Variants in USP35 observed in about 807,000 individuals in gnomAD.
USP35 encodes ubiquitin specific peptidase 35.
In USP35, 69 loss-of-function variants were observed where a neutral mutation model predicts 83.8. The ratio of observed to expected loss-of-function variants is 0.82; its 90% confidence interval spans 0.68 to 1.01. The LOEUF is 1.01. Ranked by LOEUF, USP35 falls within the 50% of genes least tolerant of loss-of-function variation. USP35 has a pLI of 0.00. For synonymous variants in USP35, 714 were observed against 589.5 expected, an observed-to-expected ratio of 1.21 and a Z score of -3.06; for missense variants, 1,503 against 1,362.5, an observed-to-expected ratio of 1.10 and a Z score of -1.62.
the USP35 span, among the ~76,000 whole-genome samples, chr11:78,235,422 G>A: frequency 5.9e-5 from 9 of 152,216 alleles, no homozygotes; most frequent in Admixed American, 1.3e-4. Context: ...AAAGTGCTTG[G>A]ATTACAGGCT....
At chr11:78,198,744 C>T (rs1383666655) in intron 3 of USP35, 4 of 968,934 alleles carry the variant, frequency 4.1e-6, no homozygotes, top group Non-Finnish European at 2.5e-6. Flanking sequence ...TCAAATCCCG[C>T]CTCTACCACT....
At chr11:78,218,259 C>G (rs1296426344), downstream of USP35, 2 of 153,986 alleles carry the variant, frequency 1.3e-5, no homozygotes, top group Non-Finnish European at 2.9e-5. Context: ...TCCCAGGGTT[C>G]CCCTCAGTCC....
chr11:78,199,152 C>G (rs1863257424), intron 3 of USP35: 1 of 205,700 alleles, frequency 4.9e-6, no homozygotes, highest in East Asian at 1.1e-4. Context: ...TTAATCCATA[C>G]AAGAACCCTC....
At chr11:78,226,395 C>T in the USP35 span, 2 of 1,223,382 alleles carry the variant, frequency 1.6e-6, no homozygotes, top group Non-Finnish European at 1.2e-6. Flanking sequence ...TGACCAAGGA[C>T]CATCAAACTA....
the USP35 span, chr11:78,226,591 C>A: frequency 1.4e-6 from 2 of 1,468,030 alleles, no homozygotes; most frequent in Non-Finnish European, 1.9e-6. Flanking sequence ...GGTGTTTCTG[C>A]CTGACTTGGC....
chr11:78,190,163 A>G (rs996706257), intron 1 of USP35, among the ~76,000 whole-genome samples: 11 of 152,190 alleles, frequency 7.2e-5, no homozygotes, highest in Non-Finnish European at 1.6e-4. Flanking sequence ...AGGTTGAGTA[A>G]CACCATGAAG....
chr11:78,221,817 C>A, the USP35 span: 1 of 1,427,992 alleles, frequency 7.0e-7, no homozygotes, highest in Non-Finnish European at 9.9e-7. Flanking sequence ...GGGGAAGCTG[C>A]ATGGCTGCTG....
At chr11:78,207,504 C>G (rs756448695) in intron 7 of USP35, 26 bp from the exon 8 acceptor site, 1 of 1,612,374 alleles carries the variant, frequency 6.2e-7, no homozygotes, top group South Asian at 1.1e-5. Flanking sequence ...ATGGCTTACC[C>G]TGGGTGCCCC....
intron 1 of USP35, among the ~76,000 whole-genome samples, chr11:78,193,134 C>T (rs1863049530): frequency 6.6e-6 from 1 of 152,170 alleles, no homozygotes; most frequent in South Asian, 2.1e-4. Flanking sequence ...CAGCAACTGC[C>T]TTGTCACGGG....
chr11:78,225,955 T>G, the USP35 span, among the ~76,000 whole-genome samples: 2 of 152,220 alleles, frequency 1.3e-5, no homozygotes, highest in Admixed American at 6.5e-5. Context: ...ATACTCTCAG[T>G]GGAAAACAAG....
rs1863018253 is a variant in USP35 at position 78,191,932 on chromosome 11, C to T, written c.-11+2775C>T. ...GATCTCGGCTCACTGCAAGCTCCGCCTCCTGGGTTCACGCCATTCTCCTGC... is the reference window on the plus strand; with the variant it reads ...GATCTCGGCTCACTGCAAGCTCCGCTTCCTGGGTTCACGCCATTCTCCTGC... On this transcript the variant is annotated intron_variant, in intron 1 of 10. Coordinates refer to ENST00000529308, the MANE Select transcript of USP35 (RefSeq NM_020798.4). Among the ~76,000 whole-genome samples, 5 of 151,730 alleles carry T rather than the reference C, an allele frequency of 3.3e-5. No individual in the cohort carries two copies. The South Asian group carries it at 1.0e-3, about 32-fold the overall frequency.
the USP35 span, among the ~76,000 whole-genome samples, chr11:78,235,525 T>C: frequency 1.3e-5 from 2 of 152,132 alleles, no homozygotes; most frequent in East Asian, 1.9e-4. Flanking sequence ...CCTTATAAAA[T>C]TGAATGCCTT....
Position 78,214,042 on chromosome 11 carries a change from C to T in USP35, c.*229C>T, listed in dbSNP as rs751278323. ...CTTTACACCCAAGTGTCCTGGTTAA[C>T]TTGAAGCAGCCGAGATGGGCACACA... On this transcript the variant is annotated 3_prime_UTR_variant, in exon 11 of 11. Transcript: ENST00000529308. 14 of 444,748 alleles carry T rather than the reference C, an allele frequency of 3.1e-5. No individual in the cohort carries two copies. The highest frequency in any genetic ancestry group is 1.4e-4 in the Admixed American group (3 of 21,676). 27.6% of individuals were successfully genotyped at this position (444,748 alleles called of 1,614,324 possible).
Position 78,213,953 on chromosome 11 carries a change from G to A in USP35, c.*140G>A. ...TCCTCAGCCTGATGAAGGGTACACA[G>A]AGATTCTCTCAGATATGGAAGTAAG... On this transcript the variant is annotated 3_prime_UTR_variant, in exon 11 of 11. Coordinates refer to ENST00000529308, the MANE Select transcript of USP35 (RefSeq NM_020798.4). The A allele has an allele frequency of 1.1e-6, 1 of 935,014 alleles. No homozygotes were observed. 57.9% of individuals were successfully genotyped at this position (935,014 alleles called of 1,614,324 possible). A position where few individuals can be genotyped will look rare whatever the true frequency, so the allele number is the denominator to read the frequency against.
chr11:78,230,061 A>G, the USP35 span, among the ~76,000 whole-genome samples: 1 of 152,260 alleles, frequency 6.6e-6, no homozygotes, highest in South Asian at 2.1e-4. Flanking sequence ...TTGAGGAAAG[A>G]AACTGTGTCT....
At chr11:78,213,111 ACTC>A (rs1863861770) in intron 10 of USP35, among the ~76,000 whole-genome samples, 1 of 152,034 alleles carries the variant, frequency 6.6e-6, no homozygotes, top group Admixed American at 6.5e-5. Context: ...ACCAACATCA[ACTC>A]CTTCTTCCCC....
chr11:78,216,455 T>C (rs1029755862), downstream of USP35: 2 of 152,184 alleles, frequency 1.3e-5, no homozygotes, highest in Admixed American at 6.5e-5. Flanking sequence ...GGTGGGGATA[T>C]GCTAGATACG....
intron 8 of USP35, 149 bp from the exon 9 acceptor site, chr11:78,208,708 G>T: frequency 1.2e-6 from 1 of 820,678 alleles, no homozygotes; most frequent in Non-Finnish European, 2.0e-6. Context: ...TTGGGTCAGG[G>T]ACAATAGAAA....
intron 3 of USP35, 114 bp downstream of exon 3, chr11:78,198,182 G>A (rs1863213655): frequency 6.8e-7 from 1 of 1,473,660 alleles, no homozygotes; most frequent in Admixed American, 1.9e-5. Flanking sequence ...GAGGGCCCAG[G>A]CCCTCATGTG....
Sources: gnomAD v4.1 joint callset for allele counts (sites outside exome capture counted in the v4.1 genomes callset) on GRCh38, gnomAD v4.1.1 for gene constraint, MANE v1.5 for transcripts, NCBI Gene and HGNC (gene_info 2026-07-23, HGNC 2026-07-21) for gene names.